The following KBTBD3 variants were observed in gnomAD, a reference collection of about 807,000 sequenced individuals.
KBTBD3 encodes the protein kelch repeat and BTB domain-containing protein 3.
Under a neutral mutation model 49.6 loss-of-function variants are expected in KBTBD3, and 38 were observed. The ratio of observed to expected loss-of-function variants is 0.77; its 90% CI spans 0.59 to 1.00. KBTBD3 has a LOEUF of 1.00. Ranked by LOEUF, KBTBD3 falls within the 50% of genes least tolerant of loss-of-function variation. The pLI is 0.00. For synonymous variants in KBTBD3, 214 were observed against 250.4 expected, an observed-to-expected ratio of 0.85 and a Z score of 1.37; for missense variants, 661 against 712.0, an observed-to-expected ratio of 0.93 and a Z score of 0.81.
chr11:106,074,120 C>CT (rs1555076716), intron 2 of KBTBD3, among the ~76,000 whole-genome samples: 3 of 89,824 alleles, frequency 3.3e-5, no homozygotes, highest in South Asian at 4.4e-4. Flanking sequence ...ACACCCCCCC[C>CT]CACACACATA....
Position 106,054,368 on chromosome 11 carries a change from G to A in KBTBD3, c.321C>T (p.Leu107=), listed in dbSNP as rs760273720. ...NLSSKAVKAF[L]DYAYTGKTKI... ...TTGTTTTTCCAGTATAGGCATAATCGAGAAATGCTTTTACTGCCTTGGAGG... is the reference window on the plus strand; with the variant it reads ...TTGTTTTTCCAGTATAGGCATAATCAAGAAATGCTTTTACTGCCTTGGAGG... The change falls in exon 4 of 4, where the codon CTC becomes CTT. Residue 107 remains leucine, a synonymous_variant. Transcript: ENST00000531837. 1.9e-5 allele frequency: 31 copies of A among 1,610,934 alleles called. No homozygotes were observed. Among genetic ancestry groups the A allele is most frequent in the Non-Finnish European group, 2.4e-5 (28 of 1,178,242 alleles).
At chr11:106,054,530 G>A in intron 3 of KBTBD3, 75 bp from the exon 4 acceptor site, 1 of 1,174,076 alleles carries the variant, frequency 8.5e-7, no homozygotes, top group Non-Finnish European at 1.1e-6. Context: ...ACCTTAAAGA[G>A]GTTTCCTTAC....
intron 3 of KBTBD3, among the ~76,000 whole-genome samples, chr11:106,055,386 T>C (rs1565401438): frequency 6.6e-6 from 1 of 152,192 alleles, no homozygotes; most frequent in Non-Finnish European, 1.5e-5. Context: ...CAAAGTATAC[T>C]AGGGGAAAAC....
chr11:106,055,291 T>C (rs949691621), intron 3 of KBTBD3, among the ~76,000 whole-genome samples: 5 of 152,134 alleles, frequency 3.3e-5, no homozygotes, highest in African/African-American at 1.2e-4. Flanking sequence ...CAAAATGTAT[T>C]TTACTATTGC....
intron 3 of KBTBD3, among the ~76,000 whole-genome samples, chr11:106,057,023 A>G (rs552055527): frequency 2.0e-5 from 3 of 152,348 alleles, no homozygotes; most frequent in Non-Finnish European, 4.4e-5. Context: ...ATGAAGACAT[A>G]TAGTCAAATT....
At chr11:106,063,655 G>C (rs563219174) in intron 2 of KBTBD3, among the ~76,000 whole-genome samples, 2 of 152,100 alleles carry the variant, frequency 1.3e-5, no homozygotes, top group Non-Finnish European at 2.9e-5. Context: ...ATAATTGGCC[G>C]GGTGCAGTGG....
At chr11:106,072,411 T>G (rs1203941509) in intron 2 of KBTBD3, among the ~76,000 whole-genome samples, 1 of 152,168 alleles carries the variant, frequency 6.6e-6, no homozygotes, top group Non-Finnish European at 1.5e-5. Flanking sequence ...AAATTCTTAG[T>G]GATAAAGAGT....
At chr11:106,071,915 A>G (rs1276267400) in intron 2 of KBTBD3, among the ~76,000 whole-genome samples, 1 of 152,200 alleles carries the variant, frequency 6.6e-6, no homozygotes, top group East Asian at 1.9e-4. Flanking sequence ...CAATAACATT[A>G]TTAACAGTTA....
chr11:106,054,982 A>G (rs1020879382), intron 3 of KBTBD3, among the ~76,000 whole-genome samples: 7 of 152,118 alleles, frequency 4.6e-5, no homozygotes, highest in African/African-American at 1.7e-4. Context: ...AATAAGATAC[A>G]TGTCTAAAAA....
intron 2 of KBTBD3, among the ~76,000 whole-genome samples, chr11:106,061,299 T>C (rs143856308): frequency 2.0e-5 from 3 of 152,318 alleles, no homozygotes; most frequent in Non-Finnish European, 4.4e-5. Flanking sequence ...CAATCTACTG[T>C]TGTGCTATGC....
chr11:106,053,386 T>C lies in KBTBD3; in HGVS notation c.1303A>G (p.Ile435Val), dbSNP rs1860468548. The change falls in exon 4 of 4, where the codon ATA becomes GTA. Residue 435 changes from isoleucine to valine, a missense_variant. Physicochemically the swap from Ile to Val is conservative, Grantham distance 29 (BLOSUM62 3). Transcript: ENST00000531837. Reference sequence around the variant, plus strand: ...CCTCTGGGTAATGGGCTAACAGATATCCATTCTTTGGAAAGAGGATTGTAA... The same window carrying C: ...CCTCTGGGTAATGGGCTAACAGATACCCATTCTTTGGAAAGAGGATTGTAA... ...ESYNPLSKEW[I>V]SVSPLPRGIY... 3.7e-6 allele frequency: 6 copies of C among 1,613,300 alleles called. No individual in the cohort carries two copies. In the African/African-American group the frequency reaches 4.0e-5, roughly 11 times the overall value.
At chr11:106,068,249 A>T (rs1029420472) in intron 2 of KBTBD3, among the ~76,000 whole-genome samples, 2 of 152,176 alleles carry the variant, frequency 1.3e-5, no homozygotes, top group African/African-American at 4.8e-5. Context: ...AACAGAATCT[A>T]ATCAACATTT....
At position 106,053,602 on chromosome 11, in the gene KBTBD3, C is replaced by G; in HGVS notation, c.1087G>C (p.Ala363Pro). ...KCCRTVRLHI[A>P]ESYHDATDQT... ...TCAGTGGCATCATGATATGACTCGG[C>G]AATATGCAGTCGAACCGTTCGACAA... The change falls in exon 4 of 4, where the codon GCC becomes CCC. Residue 363 changes from alanine (A) to proline (P), a missense_variant. Physicochemically the swap from Ala to Pro is conservative, Grantham distance 27. Coordinates refer to ENST00000531837, the MANE Select transcript of KBTBD3 (RefSeq NM_198439.3). The G allele has an allele frequency of 6.2e-7, 1 of 1,613,880 alleles. No individual in the cohort carries two copies. Among genetic ancestry groups the G allele is most frequent in the Non-Finnish European group, 8.5e-7 (1 of 1,179,904 alleles).
intron 2 of KBTBD3, among the ~76,000 whole-genome samples, chr11:106,063,259 T>C (rs185384772): frequency 1.3e-5 from 2 of 152,276 alleles, no homozygotes; most frequent in African/African-American, 4.8e-5. Flanking sequence ...CATCAGACAA[T>C]ATCCAAATAA....
At chr11:106,067,742 C>T (rs567406396) in intron 2 of KBTBD3, among the ~76,000 whole-genome samples, 2 of 151,700 alleles carry the variant, frequency 1.3e-5, no homozygotes, top group East Asian at 3.9e-4. Context: ...ACAGAATAAA[C>T]AGAAAACAGA....
intron 2 of KBTBD3, among the ~76,000 whole-genome samples, chr11:106,073,731 G>A (rs963261402): frequency 1.3e-5 from 2 of 152,096 alleles, no homozygotes; most frequent in Non-Finnish European, 2.9e-5. Context: ...AATTAAAGGC[G>A]GCCAGTGTGG....
chr11:106,057,995 G>C, intron 3 of KBTBD3: 2 of 398,434 alleles, frequency 5.0e-6, no homozygotes, highest in Non-Finnish European at 8.8e-6. Context: ...TTCTGTCCCA[G>C]CGTAGTTCAA....
rs1216888977 is a variant in KBTBD3, at chr11:106,053,589, T to C, written c.1100A>G (p.His367Arg). The C allele has an allele frequency of 2.5e-6, 4 of 1,613,804 alleles. No individual in the cohort carries two copies. Among genetic ancestry groups the C allele is most frequent in the Admixed American group, 1.7e-5 (1 of 59,954 alleles). Residue 367 changes from histidine to arginine, a missense_variant, in exon 4 of 4, where the codon CAT becomes CGT. Physicochemically the swap from His to Arg is conservative, Grantham distance 29. Transcript: ENST00000531837. ...TVRLHIAESYHDATDQTWCYC... is the reference protein window; with the variant it reads ...TVRLHIAESYRDATDQTWCYC... ...GCACCAGGTTTGATCAGTGGCATCA[T>C]GATATGACTCGGCAATATGCAGTCG... is the stretch of plus-strand genomic sequence containing the variant.
intron 2 of KBTBD3, among the ~76,000 whole-genome samples, chr11:106,062,453 G>C (rs1168475703): frequency 6.6e-6 from 1 of 152,160 alleles, no homozygotes. Context: ...GCAAAGGCCT[G>C]AGAACCACAA....
Sources: allele counts gnomAD v4.1 joint callset (sites outside exome capture counted in the v4.1 genomes callset), GRCh38; gene constraint gnomAD v4.1.1; transcripts MANE v1.5; gene names NCBI Gene and HGNC (gene_info 2026-07-23, HGNC 2026-07-21).